The following HYDIN variants were observed in gnomAD, a reference collection of about 807,000 sequenced individuals.
HYDIN encodes HYDIN axonemal central pair apparatus protein.
Under a neutral mutation model 403.9 loss-of-function variants are expected in HYDIN, and 132 were observed. The observed-to-expected ratio is 0.33, with a 90% CI of 0.28 to 0.38. The LOEUF (loss-of-function observed/expected upper bound fraction) is 0.38, where lower values mean the gene tolerates loss of function less well. HYDIN is among the 10% of genes least tolerant of loss of function. The pLI, the probability that HYDIN is intolerant of heterozygous loss-of-function variation, is 1.00. For synonymous variants in HYDIN, 1,202 were observed against 1,891.7 expected, an observed-to-expected ratio of 0.64 and a Z score of 9.46; for missense variants, 2,827 against 5,009.5, an observed-to-expected ratio of 0.56 and a Z score of 13.15.
intron 57 of HYDIN, among the ~76,000 whole-genome samples, chr16:70,890,727 AATTG>A (rs1162735288): frequency 4.0e-5 from 6 of 151,864 alleles, no homozygotes; most frequent in African/African-American, 1.5e-4. Flanking sequence ...GTTTTGGGTG[AATTG>A]ATTGACAGCC....
chr16:70,956,709 G>C (rs1449581136), intron 39 of HYDIN, among the ~76,000 whole-genome samples: 2 of 152,180 alleles, frequency 1.3e-5, no homozygotes, highest in Non-Finnish European at 2.9e-5. Flanking sequence ...AGCTAGAAGA[G>C]ACAAGGAAAC....
At chr16:71,078,987 AG>A (rs909287024) in intron 13 of HYDIN, among the ~76,000 whole-genome samples, 19 of 152,330 alleles carry the variant, frequency 1.2e-4, no homozygotes, top group African/African-American at 4.3e-4. Context: ...CACACCACTA[AG>A]TACTCACCAA....
intron 75 of HYDIN, among the ~76,000 whole-genome samples, chr16:70,841,804 G>T (rs1281663320): frequency 6.6e-6 from 1 of 151,718 alleles, no homozygotes; most frequent in Non-Finnish European, 1.5e-5. Context: ...GCAGCCATAA[G>T]GCCCTCACCA....
chr16:71,000,884 A>G (rs1349751134), intron 23 of HYDIN, among the ~76,000 whole-genome samples: 2 of 152,352 alleles, frequency 1.3e-5, no homozygotes, highest in South Asian at 2.1e-4. Flanking sequence ...AGGGGACTTC[A>G]AATTTACTAA....
Position 70,910,677 on chromosome 16 carries a change from T to C in HYDIN, c.8005-1816A>G, listed in dbSNP as rs200104762. Among the ~76,000 whole-genome samples, 24 of 133,408 alleles carry C rather than the reference T, an allele frequency of 1.8e-4. No homozygotes were observed. The East Asian group carries it at 4.7e-3, about 26-fold the overall frequency. 87.5% of individuals were successfully genotyped at this position (133,408 alleles called of 152,430 possible). On this transcript the variant is annotated intron_variant, in intron 47 of 85. Coordinates refer to ENST00000393567, the MANE Select transcript of HYDIN (RefSeq NM_001270974.2). ...TAAGGAATGTCCACATTGTTTTCCA[T>C]AGTGGTTGTACTAGTTTACATTCCC...
intron 55 of HYDIN, 124 bp from the exon 56 acceptor site, chr16:70,892,653 C>G: frequency 1.2e-6 from 1 of 844,576 alleles, no homozygotes. Flanking sequence ...CTACGTCCGG[C>G]GGAGTCCACT....
chr16:71,057,616 CTA>C (rs1483581927), intron 18 of HYDIN, among the ~76,000 whole-genome samples: 2 of 151,758 alleles, frequency 1.3e-5, no homozygotes, highest in South Asian at 4.2e-4. Context: ...ATTTAGAAAA[CTA>C]TTTCTAAAAT....
intron 13 of HYDIN, among the ~76,000 whole-genome samples, chr16:71,077,824 T>C (rs1193427666): frequency 6.6e-6 from 1 of 151,176 alleles, no homozygotes; most frequent in African/African-American, 2.4e-5. Context: ...TTTCCTACTG[T>C]AGGTTTTTTC....
intron 18 of HYDIN, among the ~76,000 whole-genome samples, chr16:71,059,377 T>C (rs1568078354): frequency 1.3e-5 from 2 of 152,158 alleles, no homozygotes; most frequent in Non-Finnish European, 1.5e-5. Flanking sequence ...GTTATGCAAA[T>C]GCCATTTATT....
At chr16:70,836,598 C>T (rs1430336230) in intron 77 of HYDIN, among the ~76,000 whole-genome samples, 1 of 152,182 alleles carries the variant, frequency 6.6e-6, no homozygotes, top group Non-Finnish European at 1.5e-5. Flanking sequence ...CTGGGTCAGG[C>T]CAAGGCCAGG....
intron 67 of HYDIN, among the ~76,000 whole-genome samples, chr16:70,864,908 G>A (rs1198077163): frequency 2.0e-5 from 3 of 152,024 alleles, no homozygotes; most frequent in South Asian, 2.1e-4. Flanking sequence ...GCTGCATGCC[G>A]GCAAAACTTT....
intron 1 of HYDIN, among the ~76,000 whole-genome samples, chr16:71,214,927 T>C (rs1465611393): frequency 2.0e-5 from 3 of 152,184 alleles, no homozygotes; most frequent in Non-Finnish European, 4.4e-5. Context: ...AGGCTCTGTC[T>C]CCTTGGCAGA....
chr16:71,079,872 G>A lies in HYDIN; in HGVS notation c.1738+13C>T, dbSNP rs1360652909. ...CCTATTCAATTTCTAATTTAAAATG[G>A]AAAACTACTCACCAAAGGAAACATC... On this transcript the variant is annotated intron_variant, in intron 13 of 85. Coordinates refer to ENST00000393567, the MANE Select transcript of HYDIN (RefSeq NM_001270974.2). 1 of 1,521,588 alleles carries A rather than the reference G, an allele frequency of 6.6e-7. No homozygotes were observed. The highest frequency in any genetic ancestry group is 9.1e-7 in the Non-Finnish European group (1 of 1,098,630). The allele number at this position is 1,521,588 out of a possible 1,614,324, so 94.3% of individuals were successfully genotyped here. A position where few individuals can be genotyped will look rare whatever the true frequency, so the allele number is the denominator to read the frequency against.
intron 45 of HYDIN, among the ~76,000 whole-genome samples, chr16:70,922,697 T>C (rs1285994400): frequency 3.3e-5 from 5 of 151,336 alleles, no homozygotes; most frequent in Admixed American, 3.3e-4. Context: ...ATATTTAGAA[T>C]TGAACAATGA....
chr16:71,207,508 C>G (rs2088361351), intron 1 of HYDIN, among the ~76,000 whole-genome samples: 1 of 152,206 alleles, frequency 6.6e-6, no homozygotes, highest in African/African-American at 2.4e-5. Context: ...AAAGCAACCA[C>G]ACAAACAAGT....
At chr16:71,170,303 C>G (rs1597937945) in intron 5 of HYDIN, among the ~76,000 whole-genome samples, 1 of 152,174 alleles carries the variant, frequency 6.6e-6, no homozygotes, top group Non-Finnish European at 1.5e-5. Context: ...GAATTAGAAA[C>G]TTAACCCTCA....
At chr16:71,137,656 G>A (rs1424898531) in intron 7 of HYDIN, among the ~76,000 whole-genome samples, 2 of 151,962 alleles carry the variant, frequency 1.3e-5, no homozygotes, top group African/African-American at 4.8e-5. Flanking sequence ...CCTACAGCCT[G>A]ACCAGGAGAG....
At chr16:70,808,442 A>G (rs1323030600) in intron 85 of HYDIN, among the ~76,000 whole-genome samples, 2 of 152,128 alleles carry the variant, frequency 1.3e-5, no homozygotes, top group Non-Finnish European at 1.5e-5. Flanking sequence ...TGTGAGCAGA[A>G]GTGAAAGGTG....
chr16:71,054,390 C>T (rs2081792562), intron 18 of HYDIN, among the ~76,000 whole-genome samples: 1 of 152,258 alleles, frequency 6.6e-6, no homozygotes, highest in Non-Finnish European at 1.5e-5. Context: ...TCTATCTCCT[C>T]CTCACACACA....
Sources: allele counts gnomAD v4.1 joint callset (sites outside exome capture counted in the v4.1 genomes callset), GRCh38; gene constraint gnomAD v4.1.1; transcripts MANE v1.5; gene names NCBI Gene and HGNC (gene_info 2026-07-23, HGNC 2026-07-21).